SOX6: variants seen among roughly 807,000 people sequenced by gnomAD.
SOX6 encodes transcription factor SOX-6.
SOX6 carries 11 observed loss-of-function variants against 97.8 expected under a neutral mutation model. The ratio of observed to expected loss-of-function variants is 0.11; its 90% CI spans 0.07 to 0.19. SOX6 has a LOEUF of 0.19. Among genes scored for constraint, SOX6 ranks in the 10% least tolerant of loss-of-function variants. SOX6 has a pLI of 1.00. For synonymous variants in SOX6, 360 were observed against 371.4 expected (o/e 0.97, Z 0.35); for missense variants, 810 against 1,039.5 (o/e 0.78, Z 3.04).
intron 12 of SOX6, among the ~76,000 whole-genome samples, chr11:16,045,666 G>C (rs183497657): frequency 6.6e-6 from 1 of 152,068 alleles, no homozygotes; most frequent in Non-Finnish European, 1.5e-5. Flanking sequence ...CCTTGGTGCT[G>C]GTCTAATCCT....
chr11:16,121,547 G>A (rs1286096123), intron 6 of SOX6, among the ~76,000 whole-genome samples: 1 of 151,894 alleles, frequency 6.6e-6, no homozygotes, highest in Admixed American at 6.6e-5. Flanking sequence ...TTACATATTA[G>A]TACAAATTAT....
intron 3 of SOX6, among the ~76,000 whole-genome samples, chr11:16,700,695 A>T (rs1362214962): frequency 1.3e-5 from 2 of 152,308 alleles, no homozygotes; most frequent in East Asian, 3.9e-4. Flanking sequence ...ATACCTGAAC[A>T]ACTATGACTC....
intron 3 of SOX6, among the ~76,000 whole-genome samples, chr11:16,278,600 T>C (rs909722710): frequency 6.6e-6 from 1 of 151,910 alleles, no homozygotes; most frequent in African/African-American, 2.4e-5. Context: ...CACAAAGATT[T>C]GGGGCCCCAG....
intron 15 of SOX6, among the ~76,000 whole-genome samples, chr11:15,977,581 C>A (rs1853524891): frequency 6.6e-6 from 1 of 151,840 alleles, no homozygotes; most frequent in African/African-American, 2.4e-5. Flanking sequence ...CACTCCCTTG[C>A]AGACACTCTC....
chr11:16,687,785 G>A (rs1847980459), intron 3 of SOX6, among the ~76,000 whole-genome samples: 1 of 152,078 alleles, frequency 6.6e-6, no homozygotes, highest in Admixed American at 6.6e-5. Context: ...TCCCACCTCA[G>A]CCTCCTAAAG....
chr11:16,213,330 C>CTTTAG (rs939243775), intron 4 of SOX6, among the ~76,000 whole-genome samples: 96 of 151,926 alleles, frequency 6.3e-4, no homozygotes, highest in African/African-American at 2.2e-3. Flanking sequence ...TTTTCTTCTT[C>CTTTAG]TTTAGTATTT....
intron 4 of SOX6, among the ~76,000 whole-genome samples, chr11:16,565,897 C>G (rs1013955355): frequency 9.9e-5 from 15 of 151,966 alleles, no homozygotes; most frequent in African/African-American, 3.6e-4. Context: ...GAGATCGAGA[C>G]CATCCTGGCT....
At chr11:16,464,481 G>A (rs2133109379) in intron 1 of SOX6, among the ~76,000 whole-genome samples, 1 of 151,658 alleles carries the variant, frequency 6.6e-6, no homozygotes. Context: ...ACAGAAGGGA[G>A]GGGAGAAAGG....
intron 10 of SOX6, 65 bp from the exon 11 acceptor site, chr11:16,050,003 A>T: frequency 6.5e-7 from 1 of 1,546,214 alleles, no homozygotes; most frequent in Admixed American, 1.7e-5. Context: ...ATCACTTAGT[A>T]AGCCACAGTT....
chr11:16,683,333 T>A (rs1368838860), intron 3 of SOX6, among the ~76,000 whole-genome samples: 1 of 152,178 alleles, frequency 6.6e-6, no homozygotes, highest in Non-Finnish European at 1.5e-5. Context: ...GACTTCAAAC[T>A]ATACTACAAG....
intron 3 of SOX6, among the ~76,000 whole-genome samples, chr11:16,630,818 A>G (rs1375096084): frequency 6.6e-6 from 1 of 151,990 alleles, no homozygotes; most frequent in Non-Finnish European, 1.5e-5. Context: ...GTTGAATTGA[A>G]CCCTTTATCA....
At chr11:16,320,150 T>C (rs1041766950) in intron 2 of SOX6, among the ~76,000 whole-genome samples, 6 of 152,134 alleles carry the variant, frequency 3.9e-5, no homozygotes, top group African/African-American at 1.4e-4. Context: ...TCACCTTTTA[T>C]CTGTTTGCAC....
chr11:16,159,428 G>A (rs1378305), intron 6 of SOX6, among the ~76,000 whole-genome samples: 87,361 of 151,888 alleles, frequency 0.58, 25,882 homozygotes, highest in East Asian at 0.75. Context: ...ATTGGTGTTT[G>A]GTTTTAAAAA....
chr11:16,736,967 T>TA (rs1328640557), intron 1 of SOX6, among the ~76,000 whole-genome samples: 1 of 152,214 alleles, frequency 6.6e-6, no homozygotes, highest in Non-Finnish European at 1.5e-5. Flanking sequence ...TACTTACTAT[T>TA]ATGCTATTTT....
At chr11:16,545,603 T>C (rs1847611599) in intron 4 of SOX6, among the ~76,000 whole-genome samples, 2 of 152,128 alleles carry the variant, frequency 1.3e-5, no homozygotes, top group South Asian at 4.1e-4. Flanking sequence ...CTGGGAGTCC[T>C]AGCCAGAACA....
chr11:16,392,334 T>C (rs1858210873), intron 1 of SOX6, among the ~76,000 whole-genome samples: 1 of 152,128 alleles, frequency 6.6e-6, no homozygotes, highest in African/African-American at 2.4e-5. Context: ...TGCTTAATGA[T>C]AGTCCACTAT....
chr11:16,052,402 C>A (rs1847708014), intron 10 of SOX6, among the ~76,000 whole-genome samples: 1 of 152,146 alleles, frequency 6.6e-6, no homozygotes, highest in Non-Finnish European at 1.5e-5. Context: ...TTGTATATAA[C>A]TTTGGTCATT....
chr11:16,625,477 A>C (rs1461536363), intron 3 of SOX6, among the ~76,000 whole-genome samples: 1 of 152,114 alleles, frequency 6.6e-6, no homozygotes, highest in Non-Finnish European at 1.5e-5. Flanking sequence ...TTCATCTTTA[A>C]CCTTGGTTCC....
chr11:16,589,934 A>C (rs760003826), intron 4 of SOX6, among the ~76,000 whole-genome samples: 3 of 152,208 alleles, frequency 2.0e-5, no homozygotes, highest in Non-Finnish European at 4.4e-5. Flanking sequence ...CTTTTATAAA[A>C]GATAAAAAAG....
Sources: allele counts gnomAD v4.1 joint callset (sites outside exome capture counted in the v4.1 genomes callset), GRCh38; gene constraint gnomAD v4.1.1; transcripts MANE v1.5; gene names NCBI Gene and HGNC (gene_info 2026-07-23, HGNC 2026-07-21).